Variants in ZNF214 observed in about 807,000 individuals in gnomAD.
ZNF214 encodes the protein zinc finger protein 214, also known as BWSCR2-associated zinc finger protein 1.
A neutral mutation model predicts 53.9 loss-of-function variants in ZNF214; 43 were observed. The observed-to-expected ratio is 0.80, with a 90% CI of 0.63 to 1.03. The LOEUF is 1.03. ZNF214 is among the 50% of genes least tolerant of loss of function. The pLI, the probability that ZNF214 is intolerant of heterozygous loss-of-function variation, is 0.00. For synonymous variants in ZNF214, 217 were observed against 229.5 expected, an observed-to-expected ratio of 0.95 and a Z score of 0.49; for missense variants, 724 against 719.1, an observed-to-expected ratio of 1.01 and a Z score of -0.08.
In ZNF214 at chr11:7,001,439, T is replaced by A; in HGVS notation, c.244A>T (p.Asn82Tyr). 1 of 1,613,198 alleles carries A rather than the reference T, an allele frequency of 6.2e-7. No homozygotes were observed. Among genetic ancestry groups the A allele is most frequent in the Non-Finnish European group, 8.5e-7 (1 of 1,179,366 alleles). ...NAGAQMYENQNYGETVQGTDS... is the reference protein window; with the variant it reads ...NAGAQMYENQYYGETVQGTDS... ...GTCCCTTGAACAGTTTCCCCATAGT[T>A]CTGATTCTCATACATCTGGGCGCCA... is the stretch of plus-strand genomic sequence containing the variant. The change falls in exon 3 of 3, where the codon AAC (asparagine) becomes TAC (tyrosine). Residue 82 changes from asparagine to tyrosine, a missense_variant. By Grantham distance (143) the Asn-to-Tyr change is moderately radical. Coordinates refer to ENST00000278314, the MANE Select transcript of ZNF214 (RefSeq NM_013249.4).
intron 1 of ZNF214, among the ~76,000 whole-genome samples, chr11:7,016,328 T>G (rs1851766201): frequency 6.6e-6 from 1 of 152,174 alleles, no homozygotes; most frequent in Admixed American, 6.5e-5. Flanking sequence ...AGGTAGTGGA[T>G]GTAGAGCCTG....
intron 1 of ZNF214, among the ~76,000 whole-genome samples, chr11:7,016,864 A>G (rs114335378): frequency 0.012 from 1,865 of 152,340 alleles, 25 homozygotes; most frequent in Middle Eastern, 0.031. Context: ...AAGCAATTAC[A>G]TATTAAATTT....
intron 1 of ZNF214, among the ~76,000 whole-genome samples, chr11:7,009,030 T>C (rs1398833860): frequency 6.6e-6 from 1 of 152,046 alleles, no homozygotes; most frequent in African/African-American, 2.4e-5. Flanking sequence ...TCAATGATAC[T>C]TCCATCAAAC....
At position 7,001,252 on chromosome 11, in the gene ZNF214, G is replaced by A. The variant is rs1439691298; in HGVS notation, c.431C>T (p.Thr144Ile). The A allele has an allele frequency of 1.9e-6, 3 of 1,612,964 alleles. No homozygotes were observed. The highest frequency in any genetic ancestry group is 1.7e-6 in the Non-Finnish European group (2 of 1,179,452). The change falls in exon 3 of 3, where the codon ACA (threonine) becomes ATA (isoleucine). Residue 144 changes from threonine to isoleucine, a missense_variant. Transcript: ENST00000278314. ...KNFMPWQSLE[T>I]KTTQDYGREI... is the part of the protein sequence containing the mutation. ...TCTACCATAGTCTTGAGTGGTTTTTGTTTCTAAGGACTGCCAAGGCATAAA... is the reference window on the plus strand; with the variant it reads ...TCTACCATAGTCTTGAGTGGTTTTTATTTCTAAGGACTGCCAAGGCATAAA...
intron 1 of ZNF214, among the ~76,000 whole-genome samples, chr11:7,012,867 CAAT>C (rs1421666631): frequency 1.3e-5 from 2 of 152,160 alleles, no homozygotes. Context: ...CTTAAAACAA[CAAT>C]AATTATTTAC....
chr11:7,000,132 C>T lies in ZNF214; in HGVS notation c.1551G>A (p.Gln517=). 1 of 1,613,374 alleles carries T rather than the reference C, an allele frequency of 6.2e-7. No homozygotes were observed. Among genetic ancestry groups the T allele is most frequent in the Non-Finnish European group, 8.5e-7 (1 of 1,179,594 alleles). The change falls in exon 3 of 3, where the codon CAG becomes CAA. Residue 517 remains glutamine, a synonymous_variant. Coordinates refer to ENST00000278314, the MANE Select transcript of ZNF214 (RefSeq NM_013249.4). The part of the protein sequence containing the change: ...FSQRSHLLIH[Q]RVHTGEKPYK... ...AGGGCTTTTCTCCTGTATGGACTCT[C>T]TGATGAATGAGAAGATGTGAACGCT...
intron 1 of ZNF214, among the ~76,000 whole-genome samples, chr11:7,018,329 G>A (rs184702545): frequency 1.4e-3 from 206 of 152,188 alleles, no homozygotes; most frequent in African/African-American, 4.8e-3. Context: ...TTGTACCTGA[G>A]AGTAAATGAT....
intron 1 of ZNF214, among the ~76,000 whole-genome samples, chr11:7,013,301 T>C (rs1328197115): frequency 6.6e-6 from 1 of 152,156 alleles, no homozygotes; most frequent in Non-Finnish European, 1.5e-5. Flanking sequence ...GTCAGTCACA[T>C]CATAAGAAGA....
intron 1 of ZNF214, among the ~76,000 whole-genome samples, chr11:7,003,947 A>G (rs1336549185): frequency 2.0e-5 from 3 of 151,774 alleles, no homozygotes; most frequent in African/African-American, 7.2e-5. Flanking sequence ...AAATATATAA[A>G]TTAAAAAAAG....
rs1851234290 is a variant in ZNF214 at position 6,998,338 on chromosome 11, C to G, written c.*1524G>C. ...ACTTAGTGACCATATACTTTTAACT[C>G]AGAGAAAGTTTCTTAATGTCTTTGA... On this transcript the variant is annotated 3_prime_UTR_variant, in exon 3 of 3. Transcript: ENST00000278314. 1.3e-5 allele frequency among the ~76,000 whole-genome samples: 2 copies of G among 151,868 alleles called. No homozygotes were observed. Among genetic ancestry groups the G allele is most frequent in the African/African-American group, 2.4e-5 (1 of 41,394 alleles).
intron 1 of ZNF214, among the ~76,000 whole-genome samples, chr11:7,019,437 T>C (rs1208608791): frequency 1.3e-5 from 2 of 152,200 alleles, no homozygotes; most frequent in African/African-American, 4.8e-5. Flanking sequence ...CACACTTAAA[T>C]AGTATCTATT....
chr11:7,019,030 A>G (rs1184121312), intron 1 of ZNF214, among the ~76,000 whole-genome samples: 1 of 152,128 alleles, frequency 6.6e-6, no homozygotes, highest in Non-Finnish European at 1.5e-5. Flanking sequence ...ATGCAGGGAC[A>G]TTTTGTAAAT....
rs1162129745 is a variant in ZNF214, at chr11:6,998,593, C to A, written c.*1269G>T. On this transcript the variant is annotated 3_prime_UTR_variant, in exon 3 of 3. Transcript: ENST00000278314. Reference sequence around the variant, plus strand: ...ATTTTGATACAGTATTTCAGAGCTCCCTGAAGTCCTTCTTTGTTGTATCTA... The same window carrying A: ...ATTTTGATACAGTATTTCAGAGCTCACTGAAGTCCTTCTTTGTTGTATCTA... Among the ~76,000 whole-genome samples, 1 of 151,796 alleles carries A rather than the reference C, an allele frequency of 6.6e-6. No homozygotes were observed. Among genetic ancestry groups the A allele is most frequent in the Non-Finnish European group, 1.5e-5 (1 of 67,890 alleles).
chr11:7,017,952 T>C (rs1851814065), intron 1 of ZNF214, among the ~76,000 whole-genome samples: 1 of 152,186 alleles, frequency 6.6e-6, no homozygotes. Context: ...ACTGGGAACA[T>C]TTCCTTCCCT....
chr11:7,011,410 A>G (rs1456249061), intron 1 of ZNF214, among the ~76,000 whole-genome samples: 7 of 152,100 alleles, frequency 4.6e-5, no homozygotes, highest in African/African-American at 1.2e-4. Flanking sequence ...AATAGACTAT[A>G]GAATAAATCC....
Position 7,002,703 on chromosome 11 carries a change from CTT to C in ZNF214, c.127+4_127+5del. The C allele has an allele frequency of 6.3e-7, 1 of 1,590,196 alleles. No individual in the cohort carries two copies. Among genetic ancestry groups the C allele is most frequent in the Middle Eastern group, 1.7e-4 (1 of 5,948 alleles). On this transcript the variant is annotated splice_donor_5th_base_variant and intron_variant, in intron 2 of 2. Coordinates refer to ENST00000278314, the MANE Select transcript of ZNF214 (RefSeq NM_013249.4). Reference sequence around the variant, plus strand: ...CTCTATTCCCTATGAGACGGGATAACTTTACCTACTGACATGACATTTGTGTA... The same window carrying C: ...CTCTATTCCCTATGAGACGGGATAACTACCTACTGACATGACATTTGTGTA...
At chr11:7,002,574 G>C in intron 2 of ZNF214, 135 bp downstream of exon 2, 4 of 998,612 alleles carry the variant, frequency 4.0e-6, no homozygotes, top group Non-Finnish European at 5.5e-6. Context: ...TCTTCTATTT[G>C]TAACATGATT....
rs1405863041 is a variant in ZNF214 at position 6,997,125 on chromosome 11, ATT to A, written c.*2735_*2736del. Among the ~76,000 whole-genome samples, 1 of 151,846 alleles carries A rather than the reference ATT, an allele frequency of 6.6e-6. No individual in the cohort carries two copies. Among genetic ancestry groups the A allele is most frequent in the Non-Finnish European group, 1.5e-5 (1 of 67,820 alleles). On this transcript the variant is annotated 3_prime_UTR_variant, in exon 3 of 3. Transcript: ENST00000278314. Reference sequence around the variant, plus strand: ...CCGTTTTTTATTATTTTCATTCTGCATTTTTGTAAATTAAAAACCAGATTTTT... The same window carrying A: ...CCGTTTTTTATTATTTTCATTCTGCATTTGTAAATTAAAAACCAGATTTTT...
rs1321223321 is a variant in ZNF214, at chr11:6,997,626, A to G, written c.*2236T>C. Among the ~76,000 whole-genome samples, 3 of 151,620 alleles carry G rather than the reference A, an allele frequency of 2.0e-5. No individual in the cohort carries two copies. The highest frequency in any genetic ancestry group is 4.4e-5 in the Non-Finnish European group (3 of 67,790). ...AGGCCTTTCTTAAATTGTCATTCAAAAAGAAAATGTTATTATGAGTCCCTG... is the reference window on the plus strand; with the variant it reads ...AGGCCTTTCTTAAATTGTCATTCAAGAAGAAAATGTTATTATGAGTCCCTG... On this transcript the variant is annotated 3_prime_UTR_variant, in exon 3 of 3. Transcript: ENST00000278314.
Sources: gnomAD v4.1 joint callset for allele counts (sites outside exome capture counted in the v4.1 genomes callset) on GRCh38, gnomAD v4.1.1 for gene constraint, MANE v1.5 for transcripts, NCBI Gene and HGNC (gene_info 2026-07-23, HGNC 2026-07-21) for gene names.